The following CCSER2 variants were observed in gnomAD, a reference collection of about 807,000 sequenced individuals.
CCSER2 encodes coiled-coil serine rich protein 2.
In CCSER2, 46 loss-of-function variants were observed where a neutral mutation model predicts 92.3. The observed-to-expected ratio is 0.50, with a 90% CI of 0.39 to 0.64. The LOEUF (loss-of-function observed/expected upper bound fraction) is 0.64, where lower values mean the gene tolerates loss of function less well. Ranked by LOEUF, CCSER2 falls within the 30% of genes least tolerant of loss-of-function variation. The pLI is 0.00. For missense variants in CCSER2, 1,244 were observed against 1,238.9 expected (o/e 1.00, Z -0.06); for synonymous variants, 433 against 431.4 (o/e 1.00, Z -0.04).
At chr10:84,498,931 C>T (rs958345746) in intron 9 of CCSER2, among the ~76,000 whole-genome samples, 6 of 152,026 alleles carry the variant, frequency 3.9e-5, no homozygotes, top group Admixed American at 2.0e-4. Context: ...TCAGGAGTAT[C>T]GTAGTTCTGA....
At position 84,373,676 on chromosome 10, in the gene CCSER2, A is replaced by T. The variant is rs948477603; in HGVS notation, c.1475A>T (p.Asp492Val). 2 of 1,613,624 alleles carry T rather than the reference A, an allele frequency of 1.2e-6. No individual in the cohort carries two copies. The highest frequency in any genetic ancestry group is 2.7e-5 in the African/African-American group (2 of 75,030). The change falls in exon 3 of 10, where the codon GAC becomes GTC. Residue 492 changes from aspartate (D) to valine (V), a missense_variant. Physicochemically the swap from Asp to Val is radical, Grantham distance 152 (BLOSUM62 -3). Coordinates refer to ENST00000372088, the MANE Select transcript of CCSER2 (RefSeq NM_001284240.2). ...AATAATTTGGTTTCACCAGATACAG[A>T]CTACAGAGCTGGTTCTTCGTTTGAA... ...SGNNLVSPDTDYRAGSSFELS... is the reference protein window; with the variant it reads ...SGNNLVSPDTVYRAGSSFELS...
At chr10:84,481,494 A>G (rs1477385027) in intron 9 of CCSER2, among the ~76,000 whole-genome samples, 1 of 151,966 alleles carries the variant, frequency 6.6e-6, no homozygotes, top group Non-Finnish European at 1.5e-5. Flanking sequence ...TGGTGTTAGA[A>G]CTGTACTGAT....
At chr10:84,354,513 C>T (rs544110567) in intron 1 of CCSER2, among the ~76,000 whole-genome samples, 2 of 151,904 alleles carry the variant, frequency 1.3e-5, no homozygotes, top group South Asian at 4.2e-4. Context: ...CTCTTCTTTA[C>T]TCTTGGATCA....
chr10:84,424,018 G>T (rs970363910), intron 4 of CCSER2, among the ~76,000 whole-genome samples: 4 of 150,794 alleles, frequency 2.7e-5, no homozygotes, highest in African/African-American at 9.7e-5. Flanking sequence ...TCTCCATGGC[G>T]GCTTGTGCCT....
At chr10:84,506,225 A>T (rs1399563422) in intron 9 of CCSER2, among the ~76,000 whole-genome samples, 2 of 152,036 alleles carry the variant, frequency 1.3e-5, no homozygotes, top group African/African-American at 4.8e-5. Context: ...ATTTTTAAAC[A>T]ATTTATATTA....
In CCSER2 at chr10:84,371,956, G is replaced by T; in HGVS notation, c.904G>T (p.Ala302Ser). 1.2e-6 allele frequency: 2 copies of T among 1,613,766 alleles called. No individual in the cohort carries two copies. Among genetic ancestry groups the T allele is most frequent in the South Asian group, 2.2e-5 (2 of 91,064 alleles). Residue 302 changes from alanine to serine, a missense_variant, in exon 2 of 10, where the codon GCT becomes TCT. Coordinates refer to ENST00000372088, the MANE Select transcript of CCSER2 (RefSeq NM_001284240.2). The stretch of plus-strand genomic sequence containing the variant: ...TTATGCTGCTGGTGGAAAGAAGTTG[G>T]CTTTACCAAATGGCCCAGGTGTAAC... The part of the protein sequence containing the change: ...RPYAAGGKKL[A>S]LPNGPGVTST...
chr10:84,444,857 C>G (rs1330210365), intron 6 of CCSER2, among the ~76,000 whole-genome samples: 1 of 152,168 alleles, frequency 6.6e-6, no homozygotes, highest in Admixed American at 6.5e-5. Context: ...GTTTAAGCAT[C>G]TCTTTTGTGT....
At chr10:84,503,218 C>T (rs1391254095) in intron 9 of CCSER2, among the ~76,000 whole-genome samples, 1 of 150,518 alleles carries the variant, frequency 6.6e-6, no homozygotes, top group Non-Finnish European at 1.5e-5. Context: ...CAGAGTGAGA[C>T]TCTGTCTCAA....
chr10:84,463,721 G>C (rs1437489758), intron 6 of CCSER2, among the ~76,000 whole-genome samples: 1 of 152,114 alleles, frequency 6.6e-6, no homozygotes, highest in Non-Finnish European at 1.5e-5. Flanking sequence ...GATTATTCTT[G>C]CCGTAGCTCC....
At chr10:84,421,551 C>T (rs1298084156) in intron 4 of CCSER2, among the ~76,000 whole-genome samples, 1 of 152,054 alleles carries the variant, frequency 6.6e-6, no homozygotes, top group African/African-American at 2.4e-5. Flanking sequence ...AGGAAACTGC[C>T]CCCATGATTC....
intron 9 of CCSER2, among the ~76,000 whole-genome samples, chr10:84,482,324 T>G (rs1589780196): frequency 6.6e-6 from 1 of 152,170 alleles, no homozygotes; most frequent in Non-Finnish European, 1.5e-5. Context: ...AATAACAATA[T>G]GGAAGATGCC....
At chr10:84,376,828 C>T (rs1435310805) in intron 3 of CCSER2, among the ~76,000 whole-genome samples, 2 of 152,070 alleles carry the variant, frequency 1.3e-5, no homozygotes, top group African/African-American at 4.8e-5. Context: ...CCGGAAAATT[C>T]ACCTTCTTGT....
At chr10:84,435,682 C>CA (rs1394860031) in intron 5 of CCSER2, among the ~76,000 whole-genome samples, 9 of 145,904 alleles carry the variant, frequency 6.2e-5, no homozygotes, top group African/African-American at 2.1e-4. Flanking sequence ...AATAAATAAC[C>CA]AAAAAAACCA....
chr10:84,475,557 A>G (rs1406876436), intron 8 of CCSER2, among the ~76,000 whole-genome samples: 1 of 152,128 alleles, frequency 6.6e-6, no homozygotes, highest in Non-Finnish European at 1.5e-5. Flanking sequence ...CTTATGACGG[A>G]ATTATGTCCT....
chr10:84,332,436 ATTTT>A (rs1187303667), intron 1 of CCSER2, among the ~76,000 whole-genome samples: 1 of 55,208 alleles, frequency 1.8e-5, no homozygotes, highest in African/African-American at 1.1e-4. Context: ...ATATATATAT[ATTTT>A]TTTTTTTTTT....
chr10:84,420,520 G>C (rs997228736), intron 4 of CCSER2, among the ~76,000 whole-genome samples: 3 of 152,164 alleles, frequency 2.0e-5, no homozygotes, highest in Non-Finnish European at 4.4e-5. Flanking sequence ...TTTTGGCTGG[G>C]AGGATGAGAA....
chr10:84,380,338 T>C (rs932052675), intron 3 of CCSER2, among the ~76,000 whole-genome samples: 4 of 152,250 alleles, frequency 2.6e-5, no homozygotes, highest in African/African-American at 7.2e-5. Flanking sequence ...ATTTTTCTTA[T>C]TGATATGGAA....
At chr10:84,348,628 T>G (rs1844686801) in intron 1 of CCSER2, among the ~76,000 whole-genome samples, 1 of 152,144 alleles carries the variant, frequency 6.6e-6, no homozygotes, top group Admixed American at 6.5e-5. Context: ...GTGTAATGGA[T>G]GAGACATGAT....
chr10:84,438,432 G>GTAAT lies in CCSER2; in HGVS notation c.1869-80_1869-79insTAAT, dbSNP rs1844319695. 8.7e-6 allele frequency: 7 copies of GTAAT among 806,598 alleles called. No homozygotes were observed. The African/African-American group carries it at 1.2e-4, about 14-fold the overall frequency. The allele number at this position is 806,598 out of a possible 1,614,324, so 50.0% of individuals were successfully genotyped here. On this transcript the variant is annotated intron_variant, in intron 5 of 9. Coordinates refer to ENST00000372088, the MANE Select transcript of CCSER2 (RefSeq NM_001284240.2). ...TGATAAGTGATTTGTAATAATCACT[G>GTAAT]CAATAATTTCATTATCTTTATTTCT... is the stretch of plus-strand genomic sequence containing the variant.
Sources: gnomAD v4.1 joint callset for allele counts (sites outside exome capture counted in the v4.1 genomes callset) on GRCh38, gnomAD v4.1.1 for gene constraint, MANE v1.5 for transcripts, NCBI Gene and HGNC (gene_info 2026-07-23, HGNC 2026-07-21) for gene names.